The following HNRNPF variants were observed in gnomAD, a reference collection of about 807,000 sequenced individuals.
The protein encoded by HNRNPF is HnRNP F protein.
In HNRNPF, 2 loss-of-function variants were observed where a neutral mutation model predicts 26.0. The observed-to-expected ratio is 0.08, with a 90% confidence interval of 0.03 to 0.24. The LOEUF is 0.24. Ranked by LOEUF, HNRNPF falls within the 10% of genes least tolerant of loss-of-function variation. HNRNPF has a pLI of 1.00. For synonymous variants in HNRNPF, 234 were observed against 211.5 expected (o/e 1.11, Z -0.92); for missense variants, 299 against 539.2 (o/e 0.55, Z 4.41).
chr10:43,406,724 G>T (rs1402475523), intron 1 of HNRNPF, among the ~76,000 whole-genome samples: 1 of 151,980 alleles, frequency 6.6e-6, no homozygotes, highest in Admixed American at 6.6e-5. Context: ...ATAGAGACGG[G>T]GTAGGTCTCT....
Position 43,387,918 on chromosome 10 carries a change from G to C in HNRNPF, c.-34C>G. ...GTCAGGGTGGGTGTCAGGTGATCTT[G>C]GGTGTGGCTTTTTTGTGGCTGGAAA... is the stretch of plus-strand genomic sequence containing the variant. On this transcript the variant is annotated 5_prime_UTR_variant, in exon 4 of 4. Coordinates refer to ENST00000682386, the MANE Select transcript of HNRNPF (RefSeq NM_001098204.2). This position sits in a 1 kb window ranked among gnomAD's most constrained non-coding sequence, Gnocchi z 6.0. 1 of 1,522,284 alleles carries C rather than the reference G, an allele frequency of 6.6e-7. No individual in the cohort carries two copies. The highest frequency in any genetic ancestry group is 8.9e-7 in the Non-Finnish European group (1 of 1,129,012). The allele number at this position is 1,522,284 out of a possible 1,614,324, so 94.3% of individuals were successfully genotyped here.
intron 3 of HNRNPF, 108 bp from the exon 4 acceptor site, chr10:43,388,044 G>C (rs1000817262): frequency 6.5e-6 from 4 of 613,654 alleles, no homozygotes; most frequent in Non-Finnish European, 8.4e-6. Context: ...ATACAATTGA[G>C]AGCTAAGAGT....
At chr10:43,395,127 A>G (rs192122354) in intron 2 of HNRNPF, among the ~76,000 whole-genome samples, 2,786 of 138,768 alleles carry the variant, frequency 0.02, 30 homozygotes, top group South Asian at 0.041. Flanking sequence ...GGAAATTTAA[A>G]TATCGGGGGC....
At chr10:43,400,813 A>C (rs937038436) in intron 1 of HNRNPF, among the ~76,000 whole-genome samples, 28 of 152,200 alleles carry the variant, frequency 1.8e-4, no homozygotes, top group Admixed American at 4.6e-4. Flanking sequence ...AGGACTGAGA[A>C]GTGGCCAGGC....
At chr10:43,408,051 A>G (rs1464450203) in intron 1 of HNRNPF, among the ~76,000 whole-genome samples, 2 of 152,128 alleles carry the variant, frequency 1.3e-5, no homozygotes, top group East Asian at 1.9e-4. Context: ...CCTCCCGAGT[A>G]GCTGGGACAA....
rs150419215 is a variant in HNRNPF at position 43,387,281 on chromosome 10, T to C, written c.604A>G (p.Met202Val). Residue 202 changes from methionine (M) to valine (V), a missense_variant, in exon 4 of 4, where the codon ATG becomes GTG. Met to Val is a conservative substitution (Grantham distance 21). This residue lies in a region of HNRNPF where 17 missense variants were observed against 16.1 expected (regional missense o/e 1.05). Transcript: ENST00000682386. This position sits in a 1 kb window ranked among gnomAD's most constrained non-coding sequence, Gnocchi z 6.0. ...RSYSDPPLKFMSVQRPGPYDR... is the reference protein window; with the variant it reads ...RSYSDPPLKFVSVQRPGPYDR... The stretch of plus-strand genomic sequence containing the variant: ...TAGGGCCCTGGCCGCTGCACGGACA[T>C]GAACTTCAGAGGGGGATCTGAGTAT... 118 of 1,614,078 alleles carry C rather than the reference T, an allele frequency of 7.3e-5. No individual in the cohort carries two copies. Among genetic ancestry groups the C allele is most frequent in the Non-Finnish European group, 9.6e-5 (113 of 1,180,024 alleles).
chr10:43,400,291 A>T (rs1838712474), intron 1 of HNRNPF, among the ~76,000 whole-genome samples: 1 of 152,168 alleles, frequency 6.6e-6, no homozygotes, highest in Non-Finnish European at 1.5e-5. Flanking sequence ...CAAATTATTT[A>T]TATTTTTTAC....
At chr10:43,400,825 C>T (rs1419932918) in intron 1 of HNRNPF, among the ~76,000 whole-genome samples, 5 of 152,210 alleles carry the variant, frequency 3.3e-5, no homozygotes, top group African/African-American at 1.2e-4. Context: ...TGGCCAGGCA[C>T]AGTGGCTCAT....
At chr10:43,407,877 C>T (rs565615633) in intron 1 of HNRNPF, 1 of 152,282 alleles carries the variant, frequency 6.6e-6, no homozygotes, top group African/African-American at 2.4e-5. Context: ...AACTCTCAGG[C>T]GCCTGCAGCC....
intron 3 of HNRNPF, among the ~76,000 whole-genome samples, chr10:43,388,452 C>T (rs1027491383): frequency 3.9e-5 from 6 of 152,122 alleles, no homozygotes; most frequent in African/African-American, 1.4e-4. Context: ...AGTAATGTTG[C>T]CAGGATACAA....
chr10:43,393,831 C>A (rs1027414220), intron 3 of HNRNPF, among the ~76,000 whole-genome samples: 1 of 152,180 alleles, frequency 6.6e-6, no homozygotes, highest in African/African-American at 2.4e-5. Flanking sequence ...TGGAATGTGG[C>A]AAGCTCTCTG....
In HNRNPF at chr10:43,387,310, C is replaced by T. The variant is rs545884597; in HGVS notation, c.575G>A (p.Arg192Lys). 219 of 1,614,212 alleles carry T rather than the reference C, an allele frequency of 1.4e-4. 2 individuals carry two copies. In the South Asian group the frequency reaches 2.4e-3, roughly 18 times the overall value. Residue 192 changes from arginine to lysine, a missense_variant, in exon 4 of 4, where the codon AGG (arginine) becomes AAG (lysine). Transcript: ENST00000682386. This position sits in a 1 kb window ranked among gnomAD's most constrained non-coding sequence, Gnocchi z 6.0. ...EVFKSSQEEVRSYSDPPLKFM... is the reference protein window; with the variant it reads ...EVFKSSQEEVKSYSDPPLKFM... ...CTTCAGAGGGGGATCTGAGTATGAC[C>T]TAACTTCCTCCTGGCTGCTCTTAAA...
At chr10:43,402,760 T>G (rs566881813) in intron 1 of HNRNPF, among the ~76,000 whole-genome samples, 82 of 152,352 alleles carry the variant, frequency 5.4e-4, no homozygotes, top group African/African-American at 1.3e-3. Flanking sequence ...TTATGATGGA[T>G]TTATCGGGAT....
chr10:43,387,779 T>C lies in HNRNPF; in HGVS notation c.106A>G (p.Ile36Val). 8.7e-6 allele frequency: 14 copies of C among 1,614,046 alleles called. No individual in the cohort carries two copies. Among genetic ancestry groups the C allele is most frequent in the Non-Finnish European group, 1.1e-5 (13 of 1,180,012 alleles). Reference protein sequence around the residue: ...DVQNFLSDCTIHDGAAGVHFI... With the variant: ...DVQNFLSDCTVHDGAAGVHFI... ...TGGACACCTGCGGCCCCATCATGAA[T>C]CGTGCAGTCAGAGAGGAAGTTCTGC... The change falls in exon 4 of 4, where the codon ATT becomes GTT. Residue 36 changes from isoleucine to valine, a missense_variant. By Grantham distance (29) the Ile-to-Val change is conservative. Around this residue, in one of 6 missense-constraint regions of HNRNPF, gnomAD observed 104 missense variants for 239.0 expected, o/e 0.44. Transcript: ENST00000682386. The surrounding 1 kb of genome is among the most constrained non-coding windows in gnomAD (Gnocchi z 6.0).
At chr10:43,406,252 C>T (rs1838915132) in intron 1 of HNRNPF, among the ~76,000 whole-genome samples, 1 of 152,166 alleles carries the variant, frequency 6.6e-6, no homozygotes, top group South Asian at 2.1e-4. Context: ...CTACCCCCAC[C>T]GGGCTCTCAT....
rs1838061689 is a variant in HNRNPF, at chr10:43,387,201, C to G, written c.684G>C (p.Leu228=). 1.3e-5 allele frequency: 21 copies of G among 1,614,208 alleles called. No homozygotes were observed. Among genetic ancestry groups the G allele is most frequent in the South Asian group, 3.3e-5 (3 of 91,082 alleles). ...RYIGIVKQAG[L]ERMRPGAYST... ...TGTAGGCACCAGGCCTCATCCTTTC[C>G]AGGCCTGCCTGCTTCACGATGCCAA... Residue 228 remains leucine, a synonymous_variant, in exon 4 of 4, where the codon CTG becomes CTC. Transcript: ENST00000682386. This position sits in a 1 kb window ranked among gnomAD's most constrained non-coding sequence, Gnocchi z 6.0.
At chr10:43,406,810 G>A (rs954167075) in intron 1 of HNRNPF, among the ~76,000 whole-genome samples, 2 of 152,090 alleles carry the variant, frequency 1.3e-5, no homozygotes, top group Admixed American at 6.5e-5. Context: ...TCGCCCGGCC[G>A]ATAATGACTC....
At chr10:43,399,280 GTCTC>G (rs1564397972) in intron 1 of HNRNPF, among the ~76,000 whole-genome samples, 1 of 152,046 alleles carries the variant, frequency 6.6e-6, no homozygotes, top group East Asian at 1.9e-4. Flanking sequence ...TAGAGGCAAG[GTCTC>G]TCTATGATGC....
At chr10:43,396,690 G>A (rs904577103) in intron 1 of HNRNPF, 100 bp from the exon 2 acceptor site, 2 of 152,258 alleles carry the variant, frequency 1.3e-5, no homozygotes, top group Admixed American at 6.5e-5. Context: ...CCGAGGCCCC[G>A]AGACAAGGTG....
Sources: gnomAD v4.1 joint callset for allele counts (sites outside exome capture counted in the v4.1 genomes callset) on GRCh38, gnomAD v4.1.1 for gene constraint, gnomAD v4.1.1 regional missense constraint, Gnocchi (gnomAD v3.1) non-coding constraint, MANE v1.5 for transcripts, NCBI Gene and HGNC (gene_info 2026-07-23, HGNC 2026-07-21) for gene names.